Variants in TBC1D22A observed in about 807,000 individuals in gnomAD.
TBC1D22A encodes the protein TBC1 domain family member 22A.
TBC1D22A carries 38 observed loss-of-function variants against 60.2 expected under a neutral mutation model. The ratio of observed to expected loss-of-function variants is 0.63; its 90% CI spans 0.49 to 0.83. The LOEUF is 0.83. TBC1D22A is among the 40% of genes least tolerant of loss of function. The pLI is 0.00. For missense variants in TBC1D22A, 628 were observed against 701.0 expected (o/e 0.90, Z 1.18); for synonymous variants, 302 against 281.7 (o/e 1.07, Z -0.72).
chr22:46,818,732 C>T (rs1455480426), intron 4 of TBC1D22A, among the ~76,000 whole-genome samples: 4 of 152,080 alleles, frequency 2.6e-5, no homozygotes, highest in African/African-American at 7.2e-5. Flanking sequence ...GGGTTTGATT[C>T]CGTATGAAAT....
chr22:46,926,977 G>A (rs766590366), intron 8 of TBC1D22A, among the ~76,000 whole-genome samples: 4 of 152,050 alleles, frequency 2.6e-5, no homozygotes, highest in African/African-American at 4.8e-5. Context: ...TCCCCACAAA[G>A]AAAATCGTAG....
intron 11 of TBC1D22A, among the ~76,000 whole-genome samples, chr22:47,078,457 GC>G (rs916537101): frequency 2.0e-5 from 3 of 152,168 alleles, no homozygotes; most frequent in Non-Finnish European, 4.4e-5. Context: ...ACAGCTCCAT[GC>G]CCCCCGCTCC....
At chr22:46,790,516 C>T (rs1312477776) in intron 1 of TBC1D22A, among the ~76,000 whole-genome samples, 5 of 152,084 alleles carry the variant, frequency 3.3e-5, no homozygotes. Context: ...ACCACCAGAA[C>T]GACTAAGAAG....
rs147081626 is a variant in TBC1D22A, at chr22:47,173,147, C to T, written c.1426-351C>T. ...GGATTCAGTTAAATGAAGCTCTGGG[C>T]GGCCCCTGCCACGACATCTCAGATG... On this transcript the variant is annotated intron_variant, in intron 12 of 12. Transcript: ENST00000337137. 4.5e-3 allele frequency among the ~76,000 whole-genome samples: 681 copies of T among 152,312 alleles called. 14 individuals are homozygous for T. Among genetic ancestry groups the T allele is most frequent in the Admixed American group, 0.035 (528 of 15,302 alleles).
intron 11 of TBC1D22A, among the ~76,000 whole-genome samples, chr22:47,041,946 T>A (rs573197416): frequency 1.3e-5 from 2 of 152,346 alleles, no homozygotes; most frequent in East Asian, 1.9e-4. Flanking sequence ...CTATAGCAAG[T>A]GCCTGGCCCT....
intron 1 of TBC1D22A, among the ~76,000 whole-genome samples, chr22:46,773,756 G>A (rs1318179877): frequency 6.6e-6 from 1 of 152,188 alleles, no homozygotes; most frequent in African/African-American, 2.4e-5. Context: ...ACAGGTGTGA[G>A]CCACTGCACC....
chr22:47,151,686 C>T (rs577043768), intron 12 of TBC1D22A, among the ~76,000 whole-genome samples: 1 of 152,292 alleles, frequency 6.6e-6, no homozygotes, highest in South Asian at 2.1e-4. Context: ...GTCATTTCCC[C>T]TGAAGCTCTT....
chr22:47,164,889 A>G lies in TBC1D22A; in HGVS notation c.1426-8609A>G, dbSNP rs73889468. On this transcript the variant is annotated intron_variant, in intron 12 of 12. Transcript: ENST00000337137. ...CAGCCCCTGCGCAGGAGGAATACAA[A>G]TGCTCCACTGTCTGCAGAAAGGCCC... 8.5e-3 allele frequency among the ~76,000 whole-genome samples: 1,293 copies of G among 152,334 alleles called. 21 individuals carry two copies. Among genetic ancestry groups the G allele is most frequent in the African/African-American group, 0.03 (1,235 of 41,576 alleles).
intron 4 of TBC1D22A, among the ~76,000 whole-genome samples, chr22:46,818,483 C>T (rs1187810748): frequency 6.6e-6 from 1 of 152,210 alleles, no homozygotes; most frequent in Non-Finnish European, 1.5e-5. Flanking sequence ...CCAGTTTTCC[C>T]AGCACCATTT....
At chr22:46,918,490 G>A (rs1004489491) in intron 8 of TBC1D22A, among the ~76,000 whole-genome samples, 3 of 152,158 alleles carry the variant, frequency 2.0e-5, no homozygotes, top group African/African-American at 7.2e-5. Context: ...TGTGTGCCCC[G>A]GGGAGAGGTA....
intron 7 of TBC1D22A, among the ~76,000 whole-genome samples, chr22:46,907,587 C>T (rs913818150): frequency 1.2e-4 from 18 of 152,254 alleles, no homozygotes; most frequent in Non-Finnish European, 2.4e-4. Flanking sequence ...GCCATCCTCG[C>T]CTCCACCGTC....
intron 2 of TBC1D22A, chr22:46,792,893 C>T (rs963394241): frequency 1.4e-5 from 20 of 1,415,942 alleles, no homozygotes; most frequent in Admixed American, 5.8e-5. Context: ...TTGTCCTTTC[C>T]CCTCCTCCTT....
At chr22:46,872,229 A>G (rs921701713) in intron 4 of TBC1D22A, among the ~76,000 whole-genome samples, 7 of 152,240 alleles carry the variant, frequency 4.6e-5, no homozygotes, top group Non-Finnish European at 1.0e-4. Context: ...TTTAAAGTCT[A>G]TCAAACATTT....
At chr22:47,042,517 G>A (rs1036694870) in intron 11 of TBC1D22A, among the ~76,000 whole-genome samples, 2 of 152,272 alleles carry the variant, frequency 1.3e-5, no homozygotes, top group Admixed American at 6.5e-5. Flanking sequence ...ATTTCCATGC[G>A]GGAGGAGCTA....
At chr22:46,952,309 C>G (rs2072956263) in intron 8 of TBC1D22A, among the ~76,000 whole-genome samples, 1 of 152,236 alleles carries the variant, frequency 6.6e-6, no homozygotes, top group African/African-American at 2.4e-5. Flanking sequence ...GCTTGTCCTC[C>G]TCTGCCTGGG....
intron 1 of TBC1D22A, among the ~76,000 whole-genome samples, chr22:46,787,439 G>C (rs1408050117): frequency 6.6e-6 from 1 of 152,126 alleles, no homozygotes; most frequent in Non-Finnish European, 1.5e-5. Flanking sequence ...CTTCACCAGA[G>C]TAGCTCTGCC....
chr22:46,909,370 C>T (rs1476060634), intron 7 of TBC1D22A, among the ~76,000 whole-genome samples: 1 of 152,170 alleles, frequency 6.6e-6, no homozygotes, highest in Admixed American at 6.5e-5. Flanking sequence ...CTGCTCTGGG[C>T]GGTGCCTGCC....
intron 11 of TBC1D22A, among the ~76,000 whole-genome samples, chr22:47,091,884 A>G (rs907514486): frequency 4.6e-5 from 7 of 152,108 alleles, no homozygotes. Context: ...CCATTCTCTT[A>G]ATCACCTGTT....
intron 4 of TBC1D22A, among the ~76,000 whole-genome samples, chr22:46,801,202 G>T (rs752417880): frequency 3.3e-5 from 5 of 152,178 alleles, no homozygotes; most frequent in Non-Finnish European, 7.3e-5. Flanking sequence ...AAAGTTAAAC[G>T]ATGACTGCAT....
Sources: gnomAD v4.1 joint callset for allele counts (sites outside exome capture counted in the v4.1 genomes callset) on GRCh38, gnomAD v4.1.1 for gene constraint, MANE v1.5 for transcripts, NCBI Gene and HGNC (gene_info 2026-07-23, HGNC 2026-07-21) for gene names.